Variants in RTN4RL1 observed in about 807,000 individuals in gnomAD.
The protein encoded by RTN4RL1 is reticulon 4 receptor like 1, also known as reticulon-4 receptor-like 1.
In RTN4RL1, 7 loss-of-function variants were observed where a neutral mutation model predicts 25.6. That is an observed-to-expected ratio of 0.27 (90% CI 0.16 to 0.51). RTN4RL1 has a LOEUF of 0.51. Ranked by LOEUF, RTN4RL1 falls within the 20% of genes least tolerant of loss-of-function variation. RTN4RL1 has a pLI of 0.97. For synonymous variants in RTN4RL1, 297 were observed against 288.2 expected (o/e 1.03, Z -0.31); for missense variants, 500 against 615.6 (o/e 0.81, Z 1.99).
chr17:1,959,774 C>A (rs1443455652), intron 1 of RTN4RL1, among the ~76,000 whole-genome samples: 1 of 152,106 alleles, frequency 6.6e-6, no homozygotes, highest in Non-Finnish European at 1.5e-5. Context: ...CATGTGGGCC[C>A]AGCTGGTTTC....
At chr17:1,990,076 T>C (rs1303531124) in intron 1 of RTN4RL1, among the ~76,000 whole-genome samples, 1 of 80,050 alleles carries the variant, frequency 1.2e-5, no homozygotes. Flanking sequence ...TTGTGTACAT[T>C]AAAAAACTTT....
intron 1 of RTN4RL1, among the ~76,000 whole-genome samples, chr17:1,965,270 C>T (rs571921296): frequency 1.1e-4 from 16 of 151,654 alleles, no homozygotes; most frequent in Non-Finnish European, 2.2e-4. Context: ...CCCCCCATGC[C>T]CAGCTCGTTT....
At chr17:1,946,407 C>T (rs1216303096) in intron 1 of RTN4RL1, among the ~76,000 whole-genome samples, 1 of 152,230 alleles carries the variant, frequency 6.6e-6, no homozygotes, top group Admixed American at 6.5e-5. Flanking sequence ...TGAGCCTGTG[C>T]GTGGTGTGTG....
chr17:1,969,764 G>C (rs1445404358), intron 1 of RTN4RL1, among the ~76,000 whole-genome samples: 2 of 152,120 alleles, frequency 1.3e-5, no homozygotes, highest in African/African-American at 2.4e-5. Flanking sequence ...AAACCACTCT[G>C]AACACGAGGG....
At chr17:1,940,859 G>T (rs1237744808) in intron 1 of RTN4RL1, among the ~76,000 whole-genome samples, 1 of 152,182 alleles carries the variant, frequency 6.6e-6, no homozygotes, top group East Asian at 1.9e-4. Flanking sequence ...GCTCAAGGGT[G>T]TTCATGGTGT....
chr17:2,005,938 C>T (rs966056129), intron 1 of RTN4RL1, among the ~76,000 whole-genome samples: 3 of 149,626 alleles, frequency 2.0e-5, no homozygotes, highest in Admixed American at 6.7e-5. Context: ...CTGGGACCAC[C>T]GGTGCATGCC....
Position 2,022,845 on chromosome 17 carries a change from C to G in RTN4RL1, c.13+2008G>C, listed in dbSNP as rs567952556. Among the ~76,000 whole-genome samples the G allele has an allele frequency of 1.1e-4, 17 of 152,314 alleles. No individual in the cohort carries two copies. The South Asian group carries it at 1.7e-3, about 15-fold the overall frequency. On this transcript the variant is annotated intron_variant, in intron 1 of 1. Coordinates refer to ENST00000331238, the MANE Select transcript of RTN4RL1 (RefSeq NM_178568.4). Reference sequence around the variant, plus strand: ...GGCTGTGCAGGAAGGAAGAAACAGCCCGAGTGGCAAACACACGTGACTGCT... The same window carrying G: ...GGCTGTGCAGGAAGGAAGAAACAGCGCGAGTGGCAAACACACGTGACTGCT...
At position 1,937,562 on chromosome 17, in the gene RTN4RL1, T is replaced by C. The variant is rs1292008068; in HGVS notation, c.260A>G (p.Asn87Ser). The change falls in exon 2 of 2, where the codon AAC (asparagine) becomes AGC (serine). Residue 87 changes from asparagine to serine, a missense_variant. Asn to Ser is a conservative substitution (Grantham distance 46). Coordinates refer to ENST00000331238, the MANE Select transcript of RTN4RL1 (RefSeq NM_178568.4). ...GGTGCTGGGGTGGATGTAGGTGATG[T>C]TGTTCGAGTAGATCCACAGGGTGAC... ...AMVTLWIYSNNITYIHPSTFE... is the reference protein window; with the variant it reads ...AMVTLWIYSNSITYIHPSTFE... The C allele has an allele frequency of 1.2e-6, 2 of 1,613,766 alleles. No homozygotes were observed. Among genetic ancestry groups the C allele is most frequent in the Non-Finnish European group, 1.7e-6 (2 of 1,179,828 alleles).
At chr17:2,015,544 G>A (rs796893640) in intron 1 of RTN4RL1, among the ~76,000 whole-genome samples, 12 of 152,332 alleles carry the variant, frequency 7.9e-5, no homozygotes, top group African/African-American at 1.9e-4. Flanking sequence ...AGGGGCAGCC[G>A]CAGAACCATG....
At chr17:2,001,927 T>TGGGGGAGGGG (rs71150844) in intron 1 of RTN4RL1, among the ~76,000 whole-genome samples, 91,768 of 145,274 alleles carry the variant, frequency 0.63, 29,267 homozygotes, top group Middle Eastern at 0.71. Flanking sequence ...ACTTCAGCCC[T>TGGGGGAGGGG]GGGGGAGGGG....
chr17:1,990,457 A>G (rs964952925), intron 1 of RTN4RL1, among the ~76,000 whole-genome samples: 2 of 152,130 alleles, frequency 1.3e-5, no homozygotes, highest in Non-Finnish European at 2.9e-5. Flanking sequence ...GAACCTTGGG[A>G]GGCTAAGGCA....
chr17:2,025,084 C>T lies in RTN4RL1; in HGVS notation c.-219G>A. Reference sequence around the variant, plus strand: ...GCCCGCAAGCAACCGTGGTGCTGCCCGGCAGCCCCGCGCGCTTGCTCAGCC... The same window carrying T: ...GCCCGCAAGCAACCGTGGTGCTGCCTGGCAGCCCCGCGCGCTTGCTCAGCC... On this transcript the variant is annotated 5_prime_UTR_variant, in exon 1 of 2. Transcript: ENST00000331238. The surrounding 1 kb of genome is among the most constrained non-coding windows in gnomAD (Gnocchi z 4.8). 2 of 401,640 alleles carry T rather than the reference C, an allele frequency of 5.0e-6. No homozygotes were observed. Among genetic ancestry groups the T allele is most frequent in the Non-Finnish European group, 8.8e-6 (2 of 227,464 alleles). 24.9% of individuals were successfully genotyped at this position (401,640 alleles called of 1,614,324 possible).
At chr17:2,023,018 G>A (rs965887851) in intron 1 of RTN4RL1, among the ~76,000 whole-genome samples, 1 of 152,210 alleles carries the variant, frequency 6.6e-6, no homozygotes, top group Non-Finnish European at 1.5e-5. Context: ...GCCTCCTTGG[G>A]CACCTAAACC....
At chr17:1,952,203 A>AC (rs1915696635) in intron 1 of RTN4RL1, among the ~76,000 whole-genome samples, 1 of 151,724 alleles carries the variant, frequency 6.6e-6, no homozygotes, top group African/African-American at 2.4e-5. Context: ...ATGCACGAAT[A>AC]CCCCCAGGGG....
intron 1 of RTN4RL1, among the ~76,000 whole-genome samples, chr17:1,959,170 T>C (rs1378396968): frequency 6.6e-6 from 1 of 152,250 alleles, no homozygotes; most frequent in African/African-American, 2.4e-5. Flanking sequence ...CTGAGACCCT[T>C]ATACTCTGGG....
At chr17:2,001,053 A>AC (rs1349547072) in intron 1 of RTN4RL1, among the ~76,000 whole-genome samples, 5 of 94,434 alleles carry the variant, frequency 5.3e-5, no homozygotes, top group African/African-American at 2.0e-4. Context: ...TTTTTCATTT[A>AC]CTTTTTTTTT....
intron 1 of RTN4RL1, among the ~76,000 whole-genome samples, chr17:1,987,519 C>T (rs2066892178): frequency 6.6e-6 from 1 of 152,142 alleles, no homozygotes; most frequent in South Asian, 2.1e-4. Flanking sequence ...GAGGACGAGG[C>T]TGTCTGTTTC....
chr17:2,016,809 C>T (rs936833902), intron 1 of RTN4RL1, among the ~76,000 whole-genome samples: 1 of 152,238 alleles, frequency 6.6e-6, no homozygotes, highest in African/African-American at 2.4e-5. Context: ...TGACCTCCCT[C>T]GGCCCTGCCT....
At chr17:1,945,677 T>C (rs1026853061) in intron 1 of RTN4RL1, among the ~76,000 whole-genome samples, 4 of 152,198 alleles carry the variant, frequency 2.6e-5, no homozygotes, top group African/African-American at 9.6e-5. Flanking sequence ...CCCCACAGCA[T>C]TCCCCCTCTT....
Sources: allele counts gnomAD v4.1 joint callset (sites outside exome capture counted in the v4.1 genomes callset), GRCh38; gene constraint gnomAD v4.1.1; non-coding constraint Gnocchi (gnomAD v3.1); transcripts MANE v1.5; gene names NCBI Gene and HGNC (gene_info 2026-07-23, HGNC 2026-07-21).